Variants in SLC14A2 observed in about 807,000 individuals in gnomAD.
SLC14A2 encodes the protein solute carrier family 14 member 2.
In SLC14A2, 91 loss-of-function variants were observed where a neutral mutation model predicts 104.6. That is an observed-to-expected ratio of 0.87 (90% confidence interval 0.73 to 1.04). The LOEUF is 1.04. Ranked by LOEUF, SLC14A2 falls within the 50% of genes least tolerant of loss-of-function variation. The pLI, the probability that SLC14A2 is intolerant of heterozygous loss-of-function variation, is 0.00. For missense variants in SLC14A2, 1,189 were observed against 1,156.0 expected (o/e 1.03, Z -0.41); for synonymous variants, 476 against 466.4 (o/e 1.02, Z -0.27).
At chr18:45,254,498 C>T (rs1238087921) in intron 1 of SLC14A2, among the ~76,000 whole-genome samples, 1 of 152,168 alleles carries the variant, frequency 6.6e-6, no homozygotes, top group Non-Finnish European at 1.5e-5. Flanking sequence ...GAGAGAAGTG[C>T]AAATATAAAC....
chr18:45,364,024 A>T (rs2085642128), intron 1 of SLC14A2, among the ~76,000 whole-genome samples: 1 of 151,988 alleles, frequency 6.6e-6, no homozygotes, highest in African/African-American at 2.4e-5. Flanking sequence ...TAATAACTGT[A>T]CCCATCCTTC....
At chr18:45,544,311 C>T (rs752061235) in intron 2 of SLC14A2, among the ~76,000 whole-genome samples, 15 of 152,190 alleles carry the variant, frequency 9.9e-5, no homozygotes. Flanking sequence ...CTTACATATA[C>T]ATATAATCAT....
chr18:45,447,225 A>G (rs374385967), intron 1 of SLC14A2: 2 of 152,274 alleles, frequency 1.3e-5, no homozygotes, highest in East Asian at 1.9e-4. Context: ...TGGTTTTAGA[A>G]ATCATCTTTC....
the SLC14A2 span, among the ~76,000 whole-genome samples, chr18:45,188,240 A>G: frequency 6.6e-6 from 1 of 152,168 alleles, no homozygotes; most frequent in Non-Finnish European, 1.5e-5. Flanking sequence ...TTTGTGGGCA[A>G]CTGAAAGTAG....
intron 2 of SLC14A2, among the ~76,000 whole-genome samples, chr18:45,549,238 C>T (rs748332040): frequency 1.3e-5 from 2 of 152,236 alleles, no homozygotes; most frequent in Non-Finnish European, 1.5e-5. Flanking sequence ...GCTCTGCCTT[C>T]GGTGGATTCC....
intron 2 of SLC14A2, among the ~76,000 whole-genome samples, chr18:45,595,530 C>T (rs1016951891): frequency 2.6e-5 from 4 of 152,026 alleles, no homozygotes; most frequent in African/African-American, 7.3e-5. Context: ...AACTGGGGTA[C>T]GCAGGCATTA....
intron 1 of SLC14A2, among the ~76,000 whole-genome samples, chr18:45,478,236 G>A (rs983389370): frequency 6.6e-6 from 1 of 152,198 alleles, no homozygotes; most frequent in African/African-American, 2.4e-5. Flanking sequence ...GAATAGAAGA[G>A]GGAGTTCTTT....
chr18:45,381,608 A>G lies in SLC14A2; in HGVS notation c.-124-101625A>G, dbSNP rs144178373. Among the ~76,000 whole-genome samples the G allele has an allele frequency of 1.2e-3, 183 of 152,308 alleles. 1 individual carries two copies. The highest frequency in any genetic ancestry group is 3.2e-3 in the African/African-American group (133 of 41,560). The stretch of plus-strand genomic sequence containing the variant: ...CTTGGGCATAGTTTTTGTTGATCCA[A>G]TTATATGGACTATAAGCTCCTCATA... On this transcript the variant is annotated intron_variant, in intron 1 of 20. Transcript: ENST00000586448.
At chr18:45,585,260 A>C (rs2044549680) in intron 2 of SLC14A2, among the ~76,000 whole-genome samples, 2 of 152,110 alleles carry the variant, frequency 1.3e-5, no homozygotes, top group African/African-American at 4.8e-5. Flanking sequence ...CTCTATTTTA[A>C]ATTGTAACTC....
intron 1 of SLC14A2, chr18:45,438,190 G>A: frequency 6.6e-6 from 1 of 152,284 alleles, no homozygotes; most frequent in African/African-American, 2.4e-5. Flanking sequence ...GGATTTGATT[G>A]ATTAAATTAT....
chr18:45,223,010 C>T (rs922044461), intron 1 of SLC14A2, among the ~76,000 whole-genome samples: 4 of 152,206 alleles, frequency 2.6e-5, no homozygotes, highest in Non-Finnish European at 5.9e-5. Context: ...GGGCTGCCAT[C>T]TTGACCTTCA....
chr18:45,342,487 A>G (rs1235157295), intron 1 of SLC14A2, among the ~76,000 whole-genome samples: 1 of 152,234 alleles, frequency 6.6e-6, no homozygotes, highest in Non-Finnish European at 1.5e-5. Flanking sequence ...GGGCCAGTCC[A>G]TGCTGGGACT....
chr18:45,217,320 G>A (rs2084019401), intron 1 of SLC14A2, among the ~76,000 whole-genome samples: 1 of 145,612 alleles, frequency 6.9e-6, no homozygotes, highest in South Asian at 2.2e-4. Context: ...ATATACATAT[G>A]TATATATAAT....
intron 2 of SLC14A2, among the ~76,000 whole-genome samples, chr18:45,563,124 C>G (rs996598230): frequency 5.3e-5 from 8 of 152,204 alleles, no homozygotes; most frequent in African/African-American, 1.7e-4. Flanking sequence ...GGTTTGGGCC[C>G]TCTGAGGCAG....
intron 1 of SLC14A2, among the ~76,000 whole-genome samples, chr18:45,420,480 G>A (rs1418710373): frequency 1.3e-5 from 2 of 152,166 alleles, no homozygotes; most frequent in African/African-American, 4.8e-5. Flanking sequence ...AAGTATCACA[G>A]AGGTGTATCT....
chr18:45,452,524 A>G (rs368138199), intron 1 of SLC14A2, among the ~76,000 whole-genome samples: 2 of 152,248 alleles, frequency 1.3e-5, no homozygotes, highest in Admixed American at 6.5e-5. Flanking sequence ...AATGCAACAA[A>G]GAAGGACTCT....
intron 1 of SLC14A2, among the ~76,000 whole-genome samples, chr18:45,288,416 G>C (rs921076112): frequency 6.6e-6 from 1 of 152,188 alleles, no homozygotes; most frequent in Non-Finnish European, 1.5e-5. Context: ...AGCAACGATG[G>C]TGACAATAAT....
chr18:45,434,948 G>A (rs2086573272), intron 1 of SLC14A2, among the ~76,000 whole-genome samples: 1 of 152,134 alleles, frequency 6.6e-6, no homozygotes, highest in Admixed American at 6.5e-5. Flanking sequence ...TTTTTCCAAT[G>A]GAAGGTTGCC....
chr18:45,489,347 C>T (rs1045140831), intron 2 of SLC14A2, among the ~76,000 whole-genome samples: 2 of 152,062 alleles, frequency 1.3e-5, no homozygotes, highest in East Asian at 3.9e-4. Flanking sequence ...CCTGTCTCTA[C>T]TAAAAATACA....
Sources: allele counts gnomAD v4.1 joint callset (sites outside exome capture counted in the v4.1 genomes callset), GRCh38; gene constraint gnomAD v4.1.1; transcripts MANE v1.5; gene names NCBI Gene and HGNC (gene_info 2026-07-23, HGNC 2026-07-21).